NWD1: variants seen among roughly 807,000 people sequenced by gnomAD.
The protein encoded by NWD1 is NACHT domain- and WD repeat-containing protein 1.
A neutral mutation model predicts 135.1 loss-of-function variants in NWD1; 129 were observed. The observed-to-expected ratio is 0.96, with a 90% CI of 0.83 to 1.11. NWD1 has a LOEUF of 1.11. Ranked by LOEUF, NWD1 falls within the 50% of genes least tolerant of loss-of-function variation. The pLI is 0.00. For missense variants in NWD1, 1,740 were observed against 1,851.3 expected (o/e 0.94, Z 1.10); for synonymous variants, 773 against 786.0 (o/e 0.98, Z 0.28).
chr19:16,734,357 G>A (rs569622057), intron 3 of NWD1, among the ~76,000 whole-genome samples: 1 of 152,032 alleles, frequency 6.6e-6, no homozygotes, highest in African/African-American at 2.4e-5. Context: ...GACCATCCTG[G>A]CTAACACGGT....
At chr19:16,792,453 G>C (rs1970279786) in intron 14 of NWD1, among the ~76,000 whole-genome samples, 1 of 152,058 alleles carries the variant, frequency 6.6e-6, no homozygotes, top group Non-Finnish European at 1.5e-5. Flanking sequence ...GGGGCAGGTG[G>C]ATCACCTGAG....
At chr19:16,724,540 G>A (rs1967252601) in intron 2 of NWD1, 77 bp downstream of exon 2, 1 of 152,150 alleles carries the variant, frequency 6.6e-6, no homozygotes, top group South Asian at 2.1e-4. Flanking sequence ...CAGGTCGCCA[G>A]GGCATTTTCA....
chr19:16,753,319 T>G (rs1371455649), intron 6 of NWD1, among the ~76,000 whole-genome samples: 1 of 152,188 alleles, frequency 6.6e-6, no homozygotes, highest in Non-Finnish European at 1.5e-5. Flanking sequence ...AGAAATCAAA[T>G]GGCCTACTTG....
rs529841524 is a variant in NWD1, at chr19:16,810,437, CA to C, written c.4287+2321del. Among the ~76,000 whole-genome samples the C allele has an allele frequency of 9.0e-3, 597 of 66,288 alleles. 1 individual carries two copies. The highest frequency in any genetic ancestry group is 0.013 in the Non-Finnish European group (449 of 33,466). 43.5% of individuals were successfully genotyped at this position (66,288 alleles called of 152,430 possible). On this transcript the variant is annotated intron_variant, in intron 18 of 18. Transcript: ENST00000524140. ...TGGGCGACAGAGTGAGACTCCATCT[CA>C]AAAAAAAAAAAAAAAAAAAGAAAGA... is the stretch of plus-strand genomic sequence containing the variant.
At chr19:16,791,233 C>T in intron 13 of NWD1, 117 bp from the exon 14 acceptor site, 1 of 936,624 alleles carries the variant, frequency 1.1e-6, no homozygotes, top group Admixed American at 2.2e-5. Flanking sequence ...GGCTCTGTCT[C>T]CAAAAGAAAA....
At position 16,752,436 on chromosome 19, in the gene NWD1, A is replaced by G. The variant is rs557530635; in HGVS notation, c.1769+2025A>G. Among the ~76,000 whole-genome samples, 4 of 152,110 alleles carry G rather than the reference A, an allele frequency of 2.6e-5. No individual in the cohort carries two copies. In the East Asian group the frequency reaches 7.8e-4, roughly 30 times the overall value. ...TTTGGGAGGCTGAGGTGGGAGGATC[A>G]CTTGAATCCAGGAGTTTGAGACCAG... is the stretch of plus-strand genomic sequence containing the variant. On this transcript the variant is annotated intron_variant, in intron 6 of 18. Coordinates refer to ENST00000524140, the MANE Select transcript of NWD1 (RefSeq NM_001007525.5).
chr19:16,735,150 CTG>C (rs1967740285), intron 3 of NWD1, among the ~76,000 whole-genome samples: 1 of 152,258 alleles, frequency 6.6e-6, no homozygotes, highest in African/African-American at 2.4e-5. Context: ...ACCCCACACT[CTG>C]TGTCTCCTAA....
chr19:16,761,350 C>CTTTCTTTCTTTCTT (rs60597477), intron 7 of NWD1, among the ~76,000 whole-genome samples: 1 of 144,090 alleles, frequency 6.9e-6, no homozygotes, highest in African/African-American at 2.9e-5. Flanking sequence ...CCCTTTCTTT[C>CTTTCTTTCTTTCTT]TCTTTCTTTC....
intron 5 of NWD1, among the ~76,000 whole-genome samples, 182 bp from the exon 6 acceptor site, chr19:16,748,957 A>G (rs1968434212): frequency 6.6e-6 from 1 of 152,082 alleles, no homozygotes; most frequent in Non-Finnish European, 1.5e-5. Context: ...CTGCTGAATC[A>G]CTTCTGGAGG....
At chr19:16,721,954 A>G (rs998663833) in intron 1 of NWD1, among the ~76,000 whole-genome samples, 1 of 152,028 alleles carries the variant, frequency 6.6e-6, no homozygotes, top group Non-Finnish European at 1.5e-5. Flanking sequence ...CCTACAAAAA[A>G]TAAAAAACTT....
rs115828661 is a variant in NWD1 at position 16,725,536 on chromosome 19, A to G, written c.-7+1073A>G. ...CTAGCTAGAGTTTATTTATTTATTT[A>G]ATTTTATTGTTCATTTATTTATTTA... On this transcript the variant is annotated intron_variant, in intron 2 of 18. Transcript: ENST00000524140. Among the ~76,000 whole-genome samples, 942 of 151,866 alleles carry G rather than the reference A, an allele frequency of 6.2e-3. 10 individuals carry two copies. Among genetic ancestry groups the G allele is most frequent in the African/African-American group, 0.02 (843 of 41,428 alleles).
At chr19:16,754,310 TTCCA>T (rs748045584) in intron 6 of NWD1, among the ~76,000 whole-genome samples, 1 of 146,078 alleles carries the variant, frequency 6.8e-6, no homozygotes, top group Non-Finnish European at 1.5e-5. Flanking sequence ...CATGTCTATC[TTCCA>T]TCCATCCATC....
Position 16,807,936 on chromosome 19 carries a change from G to A in NWD1, c.4087G>A (p.Val1363Ile). The A allele has an allele frequency of 3.7e-6, 6 of 1,614,156 alleles. No homozygotes were observed. The highest frequency in any genetic ancestry group is 5.1e-6 in the Non-Finnish European group (6 of 1,180,030). ...GGCCATTCTGACGGACTACCGCGTG[G>A]TCTACAGCATGACCAATGGGGACCT... ...SVAILTDYRVVYSMTNGDLFL... is the reference protein window; with the variant it reads ...SVAILTDYRVIYSMTNGDLFL... Residue 1363 changes from valine to isoleucine, a missense_variant, in exon 18 of 19, where the codon GTC becomes ATC. Val to Ile is a conservative substitution (Grantham distance 29, BLOSUM62 3). Transcript: ENST00000524140.
At chr19:16,736,890 A>G (rs1432744813) in intron 4 of NWD1, 140 bp downstream of exon 4, 7 of 634,976 alleles carry the variant, frequency 1.1e-5, no homozygotes, top group South Asian at 1.8e-5. Context: ...TGTGGCAGAC[A>G]TTACTAATCA....
chr19:16,786,672 G>A (rs575917737), intron 12 of NWD1, among the ~76,000 whole-genome samples: 46 of 151,754 alleles, frequency 3.0e-4, no homozygotes, highest in Non-Finnish European at 5.4e-4. Flanking sequence ...TCAGCTTCCC[G>A]AGGAGCTGGG....
At chr19:16,767,827 CACCATGCT>C (rs1969280731) in intron 10 of NWD1, among the ~76,000 whole-genome samples, 1 of 151,986 alleles carries the variant, frequency 6.6e-6, no homozygotes, top group East Asian at 1.9e-4. Context: ...CCCTGGCAAC[CACCATGCT>C]ATTTTCTGTC....
At chr19:16,723,567 C>T (rs538628554) in intron 1 of NWD1, among the ~76,000 whole-genome samples, 2 of 152,294 alleles carry the variant, frequency 1.3e-5, no homozygotes, top group East Asian at 3.9e-4. Flanking sequence ...CCACCTCAGC[C>T]TCTCAAAGTG....
In NWD1 at chr19:16,731,258, AGGCAC is replaced by A; in HGVS notation, c.65_69del (p.His22LeufsTer4). On this transcript the variant is annotated frameshift_variant, in exon 3 of 19. Coordinates refer to ENST00000524140, the MANE Select transcript of NWD1 (RefSeq NM_001007525.5). LOFTEE classifies it high-confidence loss of function. Reference sequence around the variant, plus strand: ...CCTGAAGTGCCAGACCTTCTGCCAGAGGCACGGCTTGATGTTTGAGGTAACTGGAA... The same window carrying A: ...CCTGAAGTGCCAGACCTTCTGCCAGAGGCTTGATGTTTGAGGTAACTGGAA... The A allele has an allele frequency of 6.5e-7, 1 of 1,532,940 alleles. No individual in the cohort carries two copies. The highest frequency in any genetic ancestry group is 8.7e-7 in the Non-Finnish European group (1 of 1,143,960). 95.0% of individuals were successfully genotyped at this position (1,532,940 alleles called of 1,614,324 possible). A position where few individuals can be genotyped will look rare whatever the true frequency, so the allele number is the denominator to read the frequency against.
chr19:16,744,462 G>C lies in NWD1; in HGVS notation c.240G>C (p.Ser80=). Reference sequence around the variant, plus strand: ...AGTACGGCCCCTGTCTGATTCCCTCGCGGATCGATGAGAAGGAGTGGGAGG... The same window carrying C: ...AGTACGGCCCCTGTCTGATTCCCTCCCGGATCGATGAGAAGGAGTGGGAGG... ...GDQYGPCLIP[S]RIDEKEWEVL... The change falls in exon 5 of 19, where the codon TCG becomes TCC. Residue 80 remains serine (S), a synonymous_variant. Transcript: ENST00000524140. The C allele has an allele frequency of 6.5e-7, 1 of 1,535,698 alleles. No homozygotes were observed.
Sources: gnomAD v4.1 joint callset for allele counts (sites outside exome capture counted in the v4.1 genomes callset) on GRCh38, gnomAD v4.1.1 for gene constraint, MANE v1.5 for transcripts, NCBI Gene and HGNC (gene_info 2026-07-23, HGNC 2026-07-21) for gene names.